The following CNTNAP2 variants were observed in gnomAD, a reference collection of about 807,000 sequenced individuals.
CNTNAP2 encodes contactin associated protein 2.
Under a neutral mutation model 155.2 loss-of-function variants are expected in CNTNAP2, and 98 were observed. That is an observed-to-expected ratio of 0.63 (90% CI 0.54 to 0.75). The LOEUF is 0.75. CNTNAP2 is among the 30% of genes least tolerant of loss of function. CNTNAP2 has a pLI of 0.00. For missense variants in CNTNAP2, 1,727 were observed against 1,688.1 expected (o/e 1.02, Z -0.40); for synonymous variants, 651 against 631.2 (o/e 1.03, Z -0.47).
chr7:147,435,335 A>G (rs1013066391), intron 10 of CNTNAP2, among the ~76,000 whole-genome samples: 1 of 152,174 alleles, frequency 6.6e-6, no homozygotes, highest in Non-Finnish European at 1.5e-5. Context: ...GATTCACCTT[A>G]GACCGGTGAT....
intron 3 of CNTNAP2, among the ~76,000 whole-genome samples, chr7:147,037,250 A>G (rs533725430): frequency 1.2e-3 from 186 of 152,136 alleles, no homozygotes; most frequent in African/African-American, 4.3e-3. Context: ...AAGTGATATG[A>G]TAAAAAGCAT....
chr7:146,829,670 T>C (rs1475889637), intron 2 of CNTNAP2, among the ~76,000 whole-genome samples: 1 of 152,074 alleles, frequency 6.6e-6, no homozygotes, highest in Non-Finnish European at 1.5e-5. Context: ...ATGTGTGATG[T>C]TATTGTTGCA....
At chr7:148,088,752 T>A (rs957824269) in intron 15 of CNTNAP2, among the ~76,000 whole-genome samples, 2 of 151,938 alleles carry the variant, frequency 1.3e-5, no homozygotes, top group Admixed American at 1.3e-4. Context: ...AAAATACCAA[T>A]TTTTTGCAAA....
intron 1 of CNTNAP2, among the ~76,000 whole-genome samples, chr7:146,154,802 C>T (rs1798100182): frequency 6.6e-6 from 1 of 152,162 alleles, no homozygotes; most frequent in African/African-American, 2.4e-5. Flanking sequence ...TACTTTACAC[C>T]TGGTAAAAAG....
At chr7:148,142,798 A>T (rs1026196342) in intron 16 of CNTNAP2, among the ~76,000 whole-genome samples, 6 of 152,172 alleles carry the variant, frequency 3.9e-5, no homozygotes, top group Non-Finnish European at 1.5e-5. Flanking sequence ...CAATATACTA[A>T]GCTTGGAGTG....
rs1796613510 is a variant in CNTNAP2 at position 147,724,430 on chromosome 7, C to T, written c.2098+85124C>T. Among the ~76,000 whole-genome samples, 5 of 152,032 alleles carry T rather than the reference C, an allele frequency of 3.3e-5. No individual in the cohort carries two copies. The South Asian group carries it at 1.0e-3, about 32-fold the overall frequency. On this transcript the variant is annotated intron_variant, in intron 13 of 23. Transcript: ENST00000361727. ...TTGTTAAAGGAAAGTATCCTCAAGC[C>T]TCACAGTTGCAGGGTCTGTTTTATA...
chr7:146,381,051 G>A (rs1263137003), intron 1 of CNTNAP2, among the ~76,000 whole-genome samples: 2 of 151,684 alleles, frequency 1.3e-5, no homozygotes, highest in Non-Finnish European at 2.9e-5. Context: ...GCCCGCCTCG[G>A]CCTCCCAAAG....
chr7:148,063,523 A>G (rs1415366756), intron 15 of CNTNAP2, among the ~76,000 whole-genome samples: 1 of 149,556 alleles, frequency 6.7e-6, no homozygotes, highest in Non-Finnish European at 1.5e-5. Flanking sequence ...CAAGTTATCT[A>G]ATCTTTTCTT....
chr7:148,082,896 G>A (rs961386429), intron 15 of CNTNAP2, among the ~76,000 whole-genome samples: 121 of 152,042 alleles, frequency 8.0e-4, no homozygotes, highest in African/African-American at 2.8e-3. Flanking sequence ...CCAGGCTGGT[G>A]TCGATCTCTT....
At chr7:146,121,940 C>A (rs772289975) in intron 1 of CNTNAP2, among the ~76,000 whole-genome samples, 3 of 152,144 alleles carry the variant, frequency 2.0e-5, no homozygotes, top group Non-Finnish European at 4.4e-5. Context: ...CACTAAAACA[C>A]TGGATTTTCC....
intron 13 of CNTNAP2, among the ~76,000 whole-genome samples, chr7:147,682,877 C>T (rs543562089): frequency 7.9e-5 from 12 of 151,838 alleles, no homozygotes; most frequent in African/African-American, 1.7e-4. Context: ...GGTTTGGCTT[C>T]GACTTTTTCA....
intron 3 of CNTNAP2, among the ~76,000 whole-genome samples, chr7:146,848,962 G>C (rs767652152): frequency 6.6e-6 from 1 of 152,030 alleles, no homozygotes; most frequent in African/African-American, 2.4e-5. Flanking sequence ...TAGTAGAGAC[G>C]TAGAGACGGG....
chr7:148,000,142 G>A (rs1801871744), intron 15 of CNTNAP2, among the ~76,000 whole-genome samples: 1 of 152,154 alleles, frequency 6.6e-6, no homozygotes, highest in Non-Finnish European at 1.5e-5. Context: ...AAGGATAAAG[G>A]GAAGGTACTT....
At chr7:146,850,443 C>A (rs149868804) in intron 3 of CNTNAP2, among the ~76,000 whole-genome samples, 204 of 152,216 alleles carry the variant, frequency 1.3e-3, no homozygotes, top group African/African-American at 4.4e-3. Flanking sequence ...ACTTCAGCTG[C>A]ACAAATTAAT....
intron 15 of CNTNAP2, among the ~76,000 whole-genome samples, chr7:148,010,979 T>G (rs1283962760): frequency 6.6e-6 from 1 of 152,178 alleles, no homozygotes; most frequent in Non-Finnish European, 1.5e-5. Flanking sequence ...CTAACTAAAA[T>G]TCATGCAAAT....
chr7:147,094,399 CTT>C (rs55694542), intron 4 of CNTNAP2, among the ~76,000 whole-genome samples: 5 of 132,954 alleles, frequency 3.8e-5, no homozygotes, highest in African/African-American at 5.7e-5. Context: ...ATTATTATTC[CTT>C]TTTTTTTTTT....
chr7:147,411,772 T>C (rs1338625530), intron 10 of CNTNAP2, among the ~76,000 whole-genome samples: 1 of 152,150 alleles, frequency 6.6e-6, no homozygotes, highest in Non-Finnish European at 1.5e-5. Context: ...AGACTGAGAA[T>C]TACAGTTTCA....
At chr7:146,898,689 C>T (rs1795931146) in intron 3 of CNTNAP2, among the ~76,000 whole-genome samples, 1 of 151,886 alleles carries the variant, frequency 6.6e-6, no homozygotes, top group Non-Finnish European at 1.5e-5. Context: ...CCAAAGATGG[C>T]CTCAGTGACA....
At chr7:147,592,024 T>C (rs1037510772) in intron 12 of CNTNAP2, among the ~76,000 whole-genome samples, 2 of 152,222 alleles carry the variant, frequency 1.3e-5, no homozygotes, top group African/African-American at 2.4e-5. Flanking sequence ...CTGAGTTAGC[T>C]GTTCTTCCTC....
Sources: gnomAD v4.1 joint callset for allele counts (sites outside exome capture counted in the v4.1 genomes callset) on GRCh38, gnomAD v4.1.1 for gene constraint, MANE v1.5 for transcripts, NCBI Gene and HGNC (gene_info 2026-07-23, HGNC 2026-07-21) for gene names.